Variants in CDC14A observed in about 807,000 individuals in gnomAD.
The protein encoded by CDC14A is dual specificity protein phosphatase CDC14A.
Under a neutral mutation model 74.4 loss-of-function variants are expected in CDC14A, and 53 were observed. That is an observed-to-expected ratio of 0.71 (90% CI 0.57 to 0.89). CDC14A has a LOEUF of 0.89. Among genes scored for constraint, CDC14A ranks in the 40% least tolerant of loss-of-function variants. The pLI, the probability that CDC14A is intolerant of heterozygous loss-of-function variation, is 0.00. For missense variants in CDC14A, 646 were observed against 713.7 expected, an observed-to-expected ratio of 0.91 and a Z score of 1.08; for synonymous variants, 247 against 258.4, an observed-to-expected ratio of 0.96 and a Z score of 0.43.
At position 100,393,625 on chromosome 1, in the gene CDC14A, C is replaced by T. The variant is rs1658025978; in HGVS notation, c.309+2801C>T. ...ACCAGCACTGCAGCTGCTTCCTGCA[C>T]ACCAGAGGCTTCATAACCTTGATCA... is the stretch of plus-strand genomic sequence containing the variant. On this transcript the variant is annotated intron_variant, in intron 4 of 15. Transcript: ENST00000336454. 4.6e-6 allele frequency: 3 copies of T among 648,278 alleles called. No individual in the cohort carries two copies. In the African/African-American group the frequency reaches 5.3e-5, roughly 12 times the overall value. The allele number at this position is 648,278 out of a possible 1,614,324, so 40.2% of individuals were successfully genotyped here.
rs1650521129 is a variant in CDC14A at position 100,519,530 on chromosome 1, T to G, written c.*1250T>G. 2 of 152,320 alleles carry G rather than the reference T, an allele frequency of 1.3e-5. No homozygotes were observed. The highest frequency in any genetic ancestry group is 4.8e-5 in the African/African-American group (2 of 41,434). The allele number at this position is 152,320 out of a possible 1,614,324, so 9.4% of individuals were successfully genotyped here. ...CACTGAAAGTGCTAGTTAAATGGAT[T>G]CATATGAAGTGCTTTACTCCCAACC... On this transcript the variant is annotated 3_prime_UTR_variant, in exon 16 of 16. Coordinates refer to ENST00000336454, the MANE Select transcript of CDC14A (RefSeq NM_003672.4).
intron 2 of CDC14A, among the ~76,000 whole-genome samples, chr1:100,354,972 C>T (rs532569191): frequency 6.6e-5 from 10 of 152,252 alleles, no homozygotes; most frequent in East Asian, 5.8e-4. Flanking sequence ...CTGAGGTCTG[C>T]GACATTTCTC....
chr1:100,474,976 T>C (rs1668748274), intron 10 of CDC14A, among the ~76,000 whole-genome samples: 1 of 152,184 alleles, frequency 6.6e-6, no homozygotes, highest in Non-Finnish European at 1.5e-5. Flanking sequence ...TTTTCAGCTA[T>C]TATTTACTTA....
chr1:100,498,970 T>C lies in CDC14A; in HGVS notation c.1463T>C (p.Leu488Ser), dbSNP rs762272034. 1 of 1,614,068 alleles carries C rather than the reference T, an allele frequency of 6.2e-7. No homozygotes were observed. Among genetic ancestry groups the C allele is most frequent in the Non-Finnish European group, 8.5e-7 (1 of 1,179,958 alleles). ...CGGCTAGCCAGTTCTCTAGGGAACTTGAATGCTGCAACAGATGATCCAGAG... is the reference window on the plus strand; with the variant it reads ...CGGCTAGCCAGTTCTCTAGGGAACTCGAATGCTGCAACAGATGATCCAGAG... ...NSRLASSLGN[L>S]NAATDDPENK... is the part of the protein sequence containing the mutation. The change falls in exon 15 of 16, where the codon TTG (leucine) becomes TCG (serine). Residue 488 changes from leucine to serine, a missense_variant. By Grantham distance (145) the Leu-to-Ser change is moderately radical. Transcript: ENST00000336454.
upstream of CDC14A, among the ~76,000 whole-genome samples, chr1:100,352,177 C>G (rs1651124602): frequency 6.6e-6 from 1 of 152,172 alleles, no homozygotes. Context: ...GCGCCTTTGG[C>G]GATGTCCACT....
chr1:100,389,519 C>A (rs781017125), intron 3 of CDC14A, among the ~76,000 whole-genome samples: 6 of 151,546 alleles, frequency 4.0e-5, no homozygotes, highest in Non-Finnish European at 5.9e-5. Flanking sequence ...AAATGCCTGA[C>A]TTGGAGTGAA....
chr1:100,383,965 T>G (rs1656500924), intron 3 of CDC14A, among the ~76,000 whole-genome samples: 1 of 152,162 alleles, frequency 6.6e-6, no homozygotes, highest in Non-Finnish European at 1.5e-5. Context: ...AAGTAGTTTG[T>G]GCTCTCCTGA....
At chr1:100,378,100 A>G (rs1235172084) in intron 3 of CDC14A, among the ~76,000 whole-genome samples, 1 of 152,186 alleles carries the variant, frequency 6.6e-6, no homozygotes, top group African/African-American at 2.4e-5. Context: ...AGATTGATGA[A>G]CCAGCAGCAA....
At chr1:100,355,790 A>G (rs1054075628) in intron 2 of CDC14A, among the ~76,000 whole-genome samples, 1 of 152,250 alleles carries the variant, frequency 6.6e-6, no homozygotes, top group African/African-American at 2.4e-5. Flanking sequence ...TGTTGAATGC[A>G]TATGTTACCT....
chr1:100,478,871 A>C (rs915737423), intron 10 of CDC14A, among the ~76,000 whole-genome samples: 4 of 152,152 alleles, frequency 2.6e-5, no homozygotes, highest in Non-Finnish European at 5.9e-5. Flanking sequence ...TCAAACATGA[A>C]AATGCCTAGG....
intron 10 of CDC14A, among the ~76,000 whole-genome samples, chr1:100,475,270 C>G (rs1668775259): frequency 6.6e-6 from 1 of 152,078 alleles, no homozygotes; most frequent in Non-Finnish European, 1.5e-5. Context: ...ATATCTATTT[C>G]TTTGCTGAAA....
intron 7 of CDC14A, among the ~76,000 whole-genome samples, chr1:100,448,946 G>C (rs1665841026): frequency 6.6e-6 from 1 of 152,118 alleles, no homozygotes; most frequent in Non-Finnish European, 1.5e-5. Flanking sequence ...GCCTCATTCT[G>C]CAGAAGTTGC....
chr1:100,427,404 AAG>A (rs1303418915), intron 5 of CDC14A, among the ~76,000 whole-genome samples: 3 of 152,198 alleles, frequency 2.0e-5, no homozygotes, highest in African/African-American at 7.2e-5. Context: ...TTTCTAATAA[AAG>A]AGTTTTATGG....
intron 4 of CDC14A, among the ~76,000 whole-genome samples, chr1:100,412,545 T>C (rs1370163249): frequency 1.3e-5 from 2 of 148,996 alleles, no homozygotes; most frequent in South Asian, 2.1e-4. Context: ...TCAAGTCTTG[T>C]TGCTCATAGG....
At chr1:100,504,994 A>C in intron 15 of CDC14A, 1 of 1,385,498 alleles carries the variant, frequency 7.2e-7, no homozygotes, top group Non-Finnish European at 9.7e-7. Flanking sequence ...GCTATTATAT[A>C]CATGAACATC....
intron 8 of CDC14A, among the ~76,000 whole-genome samples, chr1:100,461,415 C>T (rs565078273): frequency 1.6e-4 from 23 of 147,994 alleles, no homozygotes; most frequent in South Asian, 1.0e-3. Context: ...AAGCACACAG[C>T]GTGGAAACAG....
chr1:100,347,750 G>A (rs1650552080), upstream of CDC14A, among the ~76,000 whole-genome samples: 2 of 151,986 alleles, frequency 1.3e-5, no homozygotes, highest in Non-Finnish European at 1.5e-5. Context: ...TTTTTACTAC[G>A]TTTCATACTT....
intron 12 of CDC14A, 143 bp from the exon 13 acceptor site, chr1:100,495,859 G>T: frequency 1.6e-6 from 1 of 641,758 alleles, no homozygotes; most frequent in East Asian, 2.7e-5. Flanking sequence ...CCTGGTTCTG[G>T]GTAATCTAAT....
At chr1:100,433,702 A>G (rs923360308) in intron 5 of CDC14A, among the ~76,000 whole-genome samples, 1 of 151,994 alleles carries the variant, frequency 6.6e-6, no homozygotes, top group East Asian at 1.9e-4. Context: ...ATTTTGTGTA[A>G]ATATGTTCTT....
Sources: allele counts gnomAD v4.1 joint callset (sites outside exome capture counted in the v4.1 genomes callset), GRCh38; gene constraint gnomAD v4.1.1; transcripts MANE v1.5; gene names NCBI Gene and HGNC (gene_info 2026-07-23, HGNC 2026-07-21).